TRIM39: variants seen among roughly 807,000 people sequenced by gnomAD.
TRIM39 encodes the protein tripartite motif containing 39.
In TRIM39, 5 loss-of-function variants were observed where a neutral mutation model predicts 53.6. The observed-to-expected ratio is 0.09, with a 90% CI of 0.05 to 0.20. TRIM39 has a LOEUF of 0.20. TRIM39 is among the 10% of genes least tolerant of loss of function. The pLI is 1.00. For synonymous variants in TRIM39, 196 were observed against 237.6 expected (o/e 0.82, Z 1.61); for missense variants, 310 against 621.0 (o/e 0.50, Z 5.32).
chr6:30,330,742 C>T, intron 3 of TRIM39, 39 bp from the exon 4 acceptor site: 2 of 1,608,742 alleles, frequency 1.2e-6, no homozygotes, highest in Non-Finnish European at 1.7e-6. Context: ...ACCAGTCAAC[C>T]CCAAATGTCA....
chr6:30,331,858 T>C (rs1215089191), intron 4 of TRIM39, among the ~76,000 whole-genome samples: 1 of 152,224 alleles, frequency 6.6e-6, no homozygotes, highest in Admixed American at 6.5e-5. Context: ...CTGTCTTCCA[T>C]TGAACAGTGA....
At chr6:30,330,629 C>T in intron 3 of TRIM39, 152 bp from the exon 4 acceptor site, 1 of 782,444 alleles carries the variant, frequency 1.3e-6, no homozygotes, top group East Asian at 2.7e-5. Context: ...GTTGACATCC[C>T]AAATGACAGG....
intron 5 of TRIM39, among the ~76,000 whole-genome samples, chr6:30,337,248 C>CA (rs894575598): frequency 6.6e-6 from 1 of 151,950 alleles, no homozygotes; most frequent in African/African-American, 2.4e-5. Flanking sequence ...ACTAAAAATA[C>CA]AAAAAAATTA....
rs1305681395 is a variant in TRIM39 at position 30,335,066 on chromosome 6, C to T, written c.550-679C>T. Among the ~76,000 whole-genome samples the T allele has an allele frequency of 6.6e-6, 1 of 152,106 alleles. No individual in the cohort carries two copies. The highest frequency in any genetic ancestry group is 1.5e-5 in the Non-Finnish European group (1 of 68,044). ...ACAGATTGAATTAACTAGAACTTTA[C>T]AGTTGATAATAACACAGATATCTCT... is the stretch of plus-strand genomic sequence containing the variant. On this transcript the variant is annotated intron_variant, in intron 4 of 7. Transcript: ENST00000396551. This position sits in a 1 kb window ranked among gnomAD's most constrained non-coding sequence, Gnocchi z 4.7.
At chr6:30,329,802 G>T (rs1785895857) in intron 3 of TRIM39, 32 bp downstream of exon 3, 2 of 1,595,256 alleles carry the variant, frequency 1.3e-6, no homozygotes, top group Non-Finnish European at 1.7e-6. Flanking sequence ...GTCAGTGTGG[G>T]TAAAAAGGGA....
At chr6:30,327,171 T>TCCGGCGTTGCTTGGCTACC (rs1178690543) in intron 1 of TRIM39, 176 bp downstream of exon 1, 3 of 152,752 alleles carry the variant, frequency 2.0e-5, no homozygotes, top group East Asian at 1.9e-4. Context: ...CGTCAGCGCG[T>TCCGGCGTTGCTTGGCTACC]CCGGCGTTGC....
At chr6:30,326,983 C>G (rs950679059) in exon 1 of TRIM39, 6 of 152,088 alleles carry the variant, frequency 3.9e-5, no homozygotes, top group African/African-American at 2.4e-5. Context: ...CTCCCGGACC[C>G]GAAGCCGGGA....
exon 3 of TRIM39, chr6:30,329,561 C>T (rs1184573950): frequency 2.5e-6 from 4 of 1,612,990 alleles, no homozygotes; most frequent in South Asian, 1.1e-5. Flanking sequence ...CCGACCTAAT[C>T]GGCAACTAGG....
intron 7 of TRIM39, 113 bp downstream of exon 7, chr6:30,340,733 C>A: frequency 2.8e-6 from 3 of 1,085,250 alleles, no homozygotes; most frequent in Non-Finnish European, 3.9e-6. Flanking sequence ...TACTCCCACA[C>A]ACACCTACCC....
At chr6:30,341,752 A>T (rs1318755921) in exon 8 of TRIM39, 2 of 1,612,938 alleles carry the variant, frequency 1.2e-6, no homozygotes, top group Admixed American at 3.3e-5. Flanking sequence ...ATCCTAACCT[A>T]GTCCTGTCAG....
At position 30,338,162 on chromosome 6, in the gene TRIM39, C is replaced by CT; in HGVS notation, c.781-1743dup. The stretch of plus-strand genomic sequence containing the variant: ...CCATCTCAGCAATAAAGCTGTTTCA[C>CT]TTTCTTATCATTCATGTGTTCACTG... On this transcript the variant is annotated intron_variant, in intron 5 of 7. Coordinates refer to ENST00000396551, the Ensembl canonical transcript of TRIM39. This position sits in a 1 kb window ranked among gnomAD's most constrained non-coding sequence, Gnocchi z 4.0. 6.6e-6 allele frequency among the ~76,000 whole-genome samples: 1 copy of CT among 152,288 alleles called. No homozygotes were observed. The highest frequency in any genetic ancestry group is 6.5e-5 in the Admixed American group (1 of 15,296).
In TRIM39 at chr6:30,335,276, CTCATTTTCTT is replaced by C. The variant is rs545318397; in HGVS notation, c.550-466_550-457del. On this transcript the variant is annotated intron_variant, in intron 4 of 7. Transcript: ENST00000396551. This position sits in a 1 kb window ranked among gnomAD's most constrained non-coding sequence, Gnocchi z 4.7. ...TGAGTGTTCTGTTAAACCATTTTCT[CTCATTTTCTT>C]TCTTTCTTTTCTTTCTGTCTTTGTC... 5.7e-4 allele frequency among the ~76,000 whole-genome samples: 87 copies of C among 152,134 alleles called. 2 individuals carry two copies. In the East Asian group the frequency reaches 0.015, roughly 27 times the overall value.
chr6:30,331,401 AT>A (rs1786157500), intron 4 of TRIM39, among the ~76,000 whole-genome samples: 1 of 152,206 alleles, frequency 6.6e-6, no homozygotes, highest in Non-Finnish European at 1.5e-5. Context: ...ATTAAGAGGG[AT>A]TTAAGAGATG....
intron 5 of TRIM39, chr6:30,336,176 C>T: frequency 1.3e-6 from 1 of 788,384 alleles, no homozygotes; most frequent in East Asian, 2.7e-5. Flanking sequence ...GTTCTTATCT[C>T]TGGTCAGCAA....
rs1787292755 is a variant in TRIM39 at position 30,339,897 on chromosome 6, C to T, written c.781-11C>T. The T allele has an allele frequency of 6.2e-7, 1 of 1,614,090 alleles. No homozygotes were observed. Among genetic ancestry groups the T allele is most frequent in the Non-Finnish European group, 8.5e-7 (1 of 1,180,006 alleles). ...AGGACCAATATTGCTTTCTTTTCTCCTTCCTTCTAGGATGTCAAAAGTACC... is the reference window on the plus strand; with the variant it reads ...AGGACCAATATTGCTTTCTTTTCTCTTTCCTTCTAGGATGTCAAAAGTACC... On this transcript the variant is annotated splice_polypyrimidine_tract_variant and intron_variant, in intron 5 of 7. Coordinates refer to ENST00000396551, the Ensembl canonical transcript of TRIM39. The surrounding 1 kb of genome is among the most constrained non-coding windows in gnomAD (Gnocchi z 4.2).
chr6:30,338,823 C>T lies in TRIM39; in HGVS notation c.781-1085C>T, dbSNP rs1322322236. On this transcript the variant is annotated intron_variant, in intron 5 of 7. Transcript: ENST00000396551. This position sits in a 1 kb window ranked among gnomAD's most constrained non-coding sequence, Gnocchi z 4.0. ...CTGAAATTGTTTAAATAATATATTG[C>T]TTTTGATATGTATATATTAATAATA... Among the ~76,000 whole-genome samples the T allele has an allele frequency of 6.6e-6, 1 of 151,884 alleles. No individual in the cohort carries two copies. The highest frequency in any genetic ancestry group is 1.5e-5 in the Non-Finnish European group (1 of 67,978).
intron 7 of TRIM39, chr6:30,341,416 G>A (rs1009939913): frequency 3.0e-6 from 2 of 670,882 alleles, no homozygotes; most frequent in African/African-American, 3.5e-5. Context: ...TCTACATAGT[G>A]AGATAAATGA....
rs1216957146 is a variant in TRIM39, at chr6:30,340,461, C to G, written c.804-44C>G. 3.1e-6 allele frequency: 5 copies of G among 1,612,214 alleles called. No individual in the cohort carries two copies. The Admixed American group carries it at 8.3e-5, about 27-fold the overall frequency. On this transcript the variant is annotated intron_variant, in intron 6 of 7. Transcript: ENST00000396551. ...GAATAGTCACTTGGCTGGAGCTTCT[C>G]CCTAACCCTGCCCTTTCTTCCCCTA...
At chr6:30,332,482 G>A (rs1221104401) in intron 4 of TRIM39, among the ~76,000 whole-genome samples, 2 of 152,180 alleles carry the variant, frequency 1.3e-5, no homozygotes. Flanking sequence ...ATTTTTAAAT[G>A]AATGATAACA....
Sources: gnomAD v4.1 joint callset for allele counts (sites outside exome capture counted in the v4.1 genomes callset) on GRCh38, gnomAD v4.1.1 for gene constraint, Gnocchi (gnomAD v3.1) non-coding constraint, MANE v1.5 for transcripts, NCBI Gene and HGNC (gene_info 2026-07-23, HGNC 2026-07-21) for gene names.